The following PTPRD variants were observed in gnomAD, a reference collection of about 807,000 sequenced individuals.
The protein encoded by PTPRD is protein tyrosine phosphatase receptor type D.
PTPRD carries 34 observed loss-of-function variants against 214.5 expected under a neutral mutation model. The ratio of observed to expected loss-of-function variants is 0.16; its 90% CI spans 0.12 to 0.21. The LOEUF (loss-of-function observed/expected upper bound fraction) is 0.21. Among genes scored for constraint, PTPRD ranks in the 10% least tolerant of loss-of-function variants. PTPRD has a pLI of 1.00. For missense variants in PTPRD, 2,545 were observed against 2,398.7 expected (o/e 1.06, Z -1.27); for synonymous variants, 1,128 against 845.7 (o/e 1.33, Z -5.79).
chr9:10,462,423 A>G (rs10756038), intron 2 of PTPRD, among the ~76,000 whole-genome samples: 98,933 of 151,954 alleles, frequency 0.65, 33,311 homozygotes, highest in Non-Finnish European at 0.74. Flanking sequence ...GATTCTGGAA[A>G]GTAAACTAAT....
At chr9:10,534,580 A>G (rs1362304884) in intron 2 of PTPRD, among the ~76,000 whole-genome samples, 1 of 152,062 alleles carries the variant, frequency 6.6e-6, no homozygotes, top group Non-Finnish European at 1.5e-5. Context: ...TTAGATAGGA[A>G]TTTCACAATG....
At chr9:10,289,426 T>C (rs1357288759) in intron 3 of PTPRD, among the ~76,000 whole-genome samples, 1 of 152,004 alleles carries the variant, frequency 6.6e-6, no homozygotes, top group African/African-American at 2.4e-5. Context: ...CCTGCTTAGG[T>C]TGATGTGACT....
At chr9:9,955,672 C>T (rs913964653) in intron 4 of PTPRD, among the ~76,000 whole-genome samples, 10 of 151,856 alleles carry the variant, frequency 6.6e-5, no homozygotes, top group Admixed American at 1.3e-4. Context: ...TACAGGTGCC[C>T]GCCACCATGC....
intron 3 of PTPRD, among the ~76,000 whole-genome samples, chr9:10,167,973 G>A (rs1339785720): frequency 1.3e-5 from 2 of 152,214 alleles, no homozygotes; most frequent in Admixed American, 1.3e-4. Flanking sequence ...AATCTGAACT[G>A]TATGGACAGA....
rs1171236322 is a variant in PTPRD at position 8,316,463 on chromosome 9, A to ACATAT, written c.*1406_*1410dup. 31 of 230,832 alleles carry ACATAT rather than the reference A, an allele frequency of 1.3e-4. No individual in the cohort carries two copies. Among genetic ancestry groups the ACATAT allele is most frequent in the African/African-American group, 6.6e-4 (30 of 45,178 alleles). The allele number at this position is 230,832 out of a possible 1,614,324, so 14.3% of individuals were successfully genotyped here. A position where few individuals can be genotyped will look rare whatever the true frequency, so the allele number is the denominator to read the frequency against. On this transcript the variant is annotated 3_prime_UTR_variant, in exon 46 of 46. Coordinates refer to ENST00000381196, the MANE Select transcript of PTPRD (RefSeq NM_002839.4). ...ACATGAATTTGGCTTTGCCCCTGTT[A>ACATAT]CATATCATAAATGCAAATTTCATAG...
rs906987245 is a variant in PTPRD, at chr9:8,414,954, A to G, written c.4087-10294T>C. Among the ~76,000 whole-genome samples, 41 of 141,442 alleles carry G rather than the reference A, an allele frequency of 2.9e-4. No homozygotes were observed. The South Asian group carries it at 3.0e-3, about 10-fold the overall frequency. The allele number at this position is 141,442 out of a possible 152,430, so 92.8% of individuals were successfully genotyped here. On this transcript the variant is annotated intron_variant, in intron 35 of 45. Transcript: ENST00000381196. ...GGGAGAGAGAGAGAGAGAGAGAGAG[A>G]GAGAGAGAGAGAGAGAGAGACAGAC...
At chr9:9,088,529 G>A (rs1268138478) in intron 10 of PTPRD, among the ~76,000 whole-genome samples, 2 of 135,870 alleles carry the variant, frequency 1.5e-5, no homozygotes, top group Non-Finnish European at 3.1e-5. Flanking sequence ...GCAGTGAGCT[G>A]AGATTGTGCC....
intron 18 of PTPRD, among the ~76,000 whole-genome samples, chr9:8,524,490 G>A (rs975745913): frequency 1.3e-5 from 2 of 152,142 alleles, no homozygotes; most frequent in Admixed American, 1.3e-4. Context: ...AGCAGCAGGG[G>A]TCATGAAGAC....
rs569500170 is a variant in PTPRD, at chr9:8,931,304, CTG to C, written c.-104+87391_-104+87392del. Reference sequence around the variant, plus strand: ...TGGTATTATTTTTGAGGGCTCTGTTCTGTTCCATTGGTCTATATCTGTGTTTT... The same window carrying C: ...TGGTATTATTTTTGAGGGCTCTGTTCTTCCATTGGTCTATATCTGTGTTTT... On this transcript the variant is annotated intron_variant, in intron 11 of 45. Transcript: ENST00000381196. Among the ~76,000 whole-genome samples, 393 of 152,002 alleles carry C rather than the reference CTG, an allele frequency of 2.6e-3. 1 individual carries two copies. The highest frequency in any genetic ancestry group is 0.017 in the Middle Eastern group (5 of 294).
In PTPRD at chr9:8,528,620, T is replaced by C. The variant is rs1308759522; in HGVS notation, c.512A>G (p.Asn171Ser). 1.2e-6 allele frequency: 2 copies of C among 1,613,638 alleles called. No homozygotes were observed. The highest frequency in any genetic ancestry group is 2.7e-5 in the African/African-American group (2 of 74,868). Reference protein sequence around the residue: ...KDFLPVDTSNNNGRIKQLRSE... With the variant: ...KDFLPVDTSNSNGRIKQLRSE... ...TCGTAACTGCTTAATACGACCATTGTTGTTGCTTGTGTCCACAGGTAAGAA... is the reference window on the plus strand; with the variant it reads ...TCGTAACTGCTTAATACGACCATTGCTGTTGCTTGTGTCCACAGGTAAGAA... The change falls in exon 15 of 46, where the codon AAC (asparagine) becomes AGC (serine). Residue 171 changes from asparagine to serine, a missense_variant. By Grantham distance (46) the Asn-to-Ser change is conservative (BLOSUM62 1). Coordinates refer to ENST00000381196, the MANE Select transcript of PTPRD (RefSeq NM_002839.4).
At chr9:8,760,234 G>T (rs1201648349) in intron 11 of PTPRD, among the ~76,000 whole-genome samples, 1 of 151,942 alleles carries the variant, frequency 6.6e-6, no homozygotes, top group Non-Finnish European at 1.5e-5. Context: ...AAGAAGCTTA[G>T]TCAGAATTTT....
At chr9:10,127,298 T>C (rs894610680) in intron 3 of PTPRD, among the ~76,000 whole-genome samples, 4 of 152,168 alleles carry the variant, frequency 2.6e-5, no homozygotes, top group Non-Finnish European at 5.9e-5. Context: ...CCACAAGACA[T>C]TTCTTGTTAG....
chr9:8,564,146 G>A (rs146079565), intron 14 of PTPRD, among the ~76,000 whole-genome samples: 1 of 56,324 alleles, frequency 1.8e-5, no homozygotes, highest in Non-Finnish European at 3.3e-5. Context: ...TGGAGGATAA[G>A]CAACCAATAC....
intron 10 of PTPRD, among the ~76,000 whole-genome samples, chr9:9,155,912 CTTTA>C (rs1422610074): frequency 1.3e-5 from 2 of 152,090 alleles, no homozygotes; most frequent in African/African-American, 4.8e-5. Context: ...CTGGAGCCTG[CTTTA>C]TTTCTTTCCT....
chr9:10,100,205 G>C (rs1194298699), intron 3 of PTPRD, among the ~76,000 whole-genome samples: 2 of 151,634 alleles, frequency 1.3e-5, no homozygotes, highest in African/African-American at 4.8e-5. Context: ...TAGAAAAATG[G>C]TAACAGCAAC....
chr9:9,505,178 T>G (rs2096541031), intron 8 of PTPRD, among the ~76,000 whole-genome samples: 1 of 151,630 alleles, frequency 6.6e-6, no homozygotes, highest in Non-Finnish European at 1.5e-5. Context: ...TGTTTAATCC[T>G]CTCTTGATCT....
chr9:9,384,214 G>A (rs1204679693), intron 9 of PTPRD, among the ~76,000 whole-genome samples: 3 of 151,480 alleles, frequency 2.0e-5, no homozygotes. Flanking sequence ...AGGTATAGAA[G>A]ATGATGAATA....
chr9:9,013,453 T>C (rs1251619050), intron 11 of PTPRD, among the ~76,000 whole-genome samples: 1 of 152,166 alleles, frequency 6.6e-6, no homozygotes. Flanking sequence ...TACTTCTATG[T>C]TTGGTAACAG....
At chr9:8,907,362 G>A (rs1013696185) in intron 11 of PTPRD, among the ~76,000 whole-genome samples, 8 of 151,220 alleles carry the variant, frequency 5.3e-5, no homozygotes, top group Non-Finnish European at 5.9e-5. Context: ...TTAAAGAAAC[G>A]GAGAAATTAG....
Sources: gnomAD v4.1 joint callset for allele counts (sites outside exome capture counted in the v4.1 genomes callset) on GRCh38, gnomAD v4.1.1 for gene constraint, MANE v1.5 for transcripts, NCBI Gene and HGNC (gene_info 2026-07-23, HGNC 2026-07-21) for gene names.